Variants in STXBP5L observed in about 807,000 individuals in gnomAD.
The protein encoded by STXBP5L is syntaxin-binding protein 5-like.
In STXBP5L, 65 loss-of-function variants were observed where a neutral mutation model predicts 144.5. That is an observed-to-expected ratio of 0.45 (90% CI 0.37 to 0.55). STXBP5L has a LOEUF of 0.55. STXBP5L is among the 20% of genes least tolerant of loss of function. STXBP5L has a pLI of 0.00. For missense variants in STXBP5L, 1,298 were observed against 1,405.5 expected (o/e 0.92, Z 1.22); for synonymous variants, 505 against 469.6 (o/e 1.08, Z -0.97).
intron 19 of STXBP5L, among the ~76,000 whole-genome samples, chr3:121,284,737 A>C (rs546948572): frequency 6.6e-6 from 1 of 152,090 alleles, no homozygotes; most frequent in Non-Finnish European, 1.5e-5. Context: ...TTGCAAAAGT[A>C]ATCATAGTTT....
At chr3:120,955,097 A>G in intron 3 of STXBP5L, 60 bp downstream of exon 3, 1 of 1,200,204 alleles carries the variant, frequency 8.3e-7, no homozygotes, top group Non-Finnish European at 1.2e-6. Context: ...TTCTTTAAAT[A>G]TTCAGGTAAG....
chr3:121,082,436 A>G (rs1479959883), intron 5 of STXBP5L, among the ~76,000 whole-genome samples: 1 of 152,130 alleles, frequency 6.6e-6, no homozygotes. Flanking sequence ...ATTTTTGTTG[A>G]CTTTGTGTCC....
At chr3:121,272,235 A>G (rs2050754446) in intron 18 of STXBP5L, among the ~76,000 whole-genome samples, 1 of 152,102 alleles carries the variant, frequency 6.6e-6, no homozygotes, top group South Asian at 2.1e-4. Context: ...GAAATGCCCT[A>G]CTTTTATTGA....
chr3:121,113,672 C>CTTTTTTTTTTTTTTTTTTTTT (rs1231857211), intron 5 of STXBP5L, among the ~76,000 whole-genome samples: 8 of 122,564 alleles, frequency 6.5e-5, no homozygotes, highest in Non-Finnish European at 1.0e-4. Context: ...TTTTCTTTTT[C>CTTTTTTTTTTTTTTTTTTTTT]TTTTTTTTTT....
intron 7 of STXBP5L, among the ~76,000 whole-genome samples, chr3:121,135,620 C>T (rs564569669): frequency 6.6e-6 from 1 of 152,316 alleles, no homozygotes; most frequent in East Asian, 1.9e-4. Flanking sequence ...CAATGAGAAT[C>T]TAATGCTGCA....
intron 3 of STXBP5L, among the ~76,000 whole-genome samples, chr3:120,981,731 G>C (rs1464918476): frequency 6.6e-6 from 1 of 152,140 alleles, no homozygotes; most frequent in Non-Finnish European, 1.5e-5. Flanking sequence ...TCCTTTGCAG[G>C]TGGTACAACA....
chr3:121,247,313 A>C (rs2049887019), intron 14 of STXBP5L, among the ~76,000 whole-genome samples: 1 of 152,182 alleles, frequency 6.6e-6, no homozygotes, highest in Admixed American at 6.5e-5. Flanking sequence ...TATTTTTCAA[A>C]ATTGCTTTGG....
Position 121,217,022 on chromosome 3 carries a change from G to A in STXBP5L, c.957-5981G>A, listed in dbSNP as rs114144143. ...CTACTCAAGCCTCAGTAATGGTGAC[G>A]CCCCTCCCCCAACCAAGCTGGCACT... is the stretch of plus-strand genomic sequence containing the variant. On this transcript the variant is annotated intron_variant, in intron 10 of 26. Transcript: ENST00000471454. 7.5e-3 allele frequency among the ~76,000 whole-genome samples: 1,135 copies of A among 152,192 alleles called. 12 individuals are homozygous for A. Among genetic ancestry groups the A allele is most frequent in the African/African-American group, 0.026 (1,086 of 41,538 alleles).
chr3:121,143,838 T>C (rs1559793685), intron 7 of STXBP5L, among the ~76,000 whole-genome samples: 1 of 151,760 alleles, frequency 6.6e-6, no homozygotes, highest in Non-Finnish European at 1.5e-5. Flanking sequence ...CATAAGACCT[T>C]AAACTCTGAA....
intron 3 of STXBP5L, among the ~76,000 whole-genome samples, chr3:120,983,939 C>A (rs995740201): frequency 2.0e-5 from 3 of 152,224 alleles, no homozygotes; most frequent in Admixed American, 6.5e-5. Context: ...CCATTTTGAA[C>A]CCTCCTTCCA....
At chr3:120,935,800 C>G (rs1048148799) in intron 2 of STXBP5L, among the ~76,000 whole-genome samples, 1 of 151,378 alleles carries the variant, frequency 6.6e-6, no homozygotes, top group Non-Finnish European at 1.5e-5. Flanking sequence ...AAAGATTTTT[C>G]TCTTTGTCTT....
chr3:121,078,045 A>C lies in STXBP5L; in HGVS notation c.470+32510A>C, dbSNP rs568849889. ...AGGGTGCTGATTGGTGTGTTCACAA[A>C]CCTTGAGCTAGATACAGAGTGCCAA... On this transcript the variant is annotated intron_variant, in intron 5 of 26. Transcript: ENST00000471454. 5.9e-5 allele frequency among the ~76,000 whole-genome samples: 9 copies of C among 151,972 alleles called. No individual in the cohort carries two copies. In the East Asian group the frequency reaches 1.7e-3, roughly 29 times the overall value.
chr3:121,177,921 A>C (rs1458550558), intron 9 of STXBP5L, among the ~76,000 whole-genome samples: 1 of 152,254 alleles, frequency 6.6e-6, no homozygotes, highest in Non-Finnish European at 1.5e-5. Flanking sequence ...TGGTATATAC[A>C]TCAAATGGAA....
intron 5 of STXBP5L, among the ~76,000 whole-genome samples, chr3:121,074,132 G>T (rs931996670): frequency 6.6e-6 from 1 of 152,156 alleles, no homozygotes; most frequent in African/African-American, 2.4e-5. Flanking sequence ...TGATTGGGGG[G>T]TTTTTGAATC....
At position 121,061,749 on chromosome 3, in the gene STXBP5L, T is replaced by C. The variant is rs1412781635; in HGVS notation, c.470+16214T>C. ...GCCCTTCTTTGTCTCTGTTGATCTT[T>C]GTTGGTTTAAAGTCTGTTTTATCAG... On this transcript the variant is annotated intron_variant, in intron 5 of 26. Transcript: ENST00000471454. Among the ~76,000 whole-genome samples the C allele has an allele frequency of 3.3e-5, 5 of 152,206 alleles. No individual in the cohort carries two copies. The East Asian group carries it at 9.6e-4, about 29-fold the overall frequency.
intron 3 of STXBP5L, among the ~76,000 whole-genome samples, chr3:120,972,114 G>C (rs1486425087): frequency 3.9e-5 from 6 of 151,930 alleles, no homozygotes; most frequent in Admixed American, 3.3e-4. Context: ...GAATGATGTT[G>C]GCATTGGTAA....
At chr3:121,314,629 G>T (rs1403607108) in intron 19 of STXBP5L, among the ~76,000 whole-genome samples, 2 of 150,760 alleles carry the variant, frequency 1.3e-5, no homozygotes, top group Admixed American at 1.3e-4. Flanking sequence ...GAGAGGGAGA[G>T]GGAGAGCGTA....
chr3:121,209,325 T>C (rs1180384791), intron 10 of STXBP5L, among the ~76,000 whole-genome samples: 1 of 152,198 alleles, frequency 6.6e-6, no homozygotes, highest in Non-Finnish European at 1.5e-5. Context: ...TTTCTGGTTC[T>C]AGATCCTTGA....
At chr3:121,061,481 ATTAGGTCCAC>A (rs2041275149) in intron 5 of STXBP5L, among the ~76,000 whole-genome samples, 1 of 152,222 alleles carries the variant, frequency 6.6e-6, no homozygotes, top group Non-Finnish European at 1.5e-5. Context: ...GTAGATGTCT[ATTAGGTCCAC>A]TTGGTTGAGA....
Sources: allele counts gnomAD v4.1 joint callset (sites outside exome capture counted in the v4.1 genomes callset), GRCh38; gene constraint gnomAD v4.1.1; transcripts MANE v1.5; gene names NCBI Gene and HGNC (gene_info 2026-07-23, HGNC 2026-07-21).